Variants in ALMS1 observed in about 807,000 individuals in gnomAD.
ALMS1 encodes centrosome-associated protein ALMS1.
ALMS1 carries 271 observed loss-of-function variants against 352.2 expected under a neutral mutation model. That is an observed-to-expected ratio of 0.77 (90% CI 0.70 to 0.85). ALMS1 has a LOEUF of 0.85. ALMS1 is among the 40% of genes least tolerant of loss of function. The pLI is 0.00. For missense variants in ALMS1, 5,445 were observed against 4,870.7 expected (o/e 1.12, Z -3.51); for synonymous variants, 1,865 against 1,761.2 (o/e 1.06, Z -1.48).
intron 6 of ALMS1, among the ~76,000 whole-genome samples, chr2:73,429,414 T>C (rs1671457735): frequency 6.6e-6 from 1 of 151,794 alleles, no homozygotes; most frequent in South Asian, 2.1e-4. Flanking sequence ...CCCAAGTAGC[T>C]GGGATTACAG....
In ALMS1 at chr2:73,500,223, C is replaced by T. The variant is rs113940779; in HGVS notation, c.9539+8725C>T. Among the ~76,000 whole-genome samples the T allele has an allele frequency of 8.2e-3, 1,246 of 152,222 alleles. 14 individuals carry two copies. The highest frequency in any genetic ancestry group is 0.029 in the African/African-American group (1,193 of 41,522). ...ATGTTTTTGTTTTAGCAGACAATGA[C>T]CCAACTAGTTTCAGGTTAAAAATTC... is the stretch of plus-strand genomic sequence containing the variant. On this transcript the variant is annotated intron_variant, in intron 10 of 22. Transcript: ENST00000613296.
At chr2:73,491,763 CTT>C (rs1004862089) in intron 10 of ALMS1, among the ~76,000 whole-genome samples, 1 of 152,164 alleles carries the variant, frequency 6.6e-6, no homozygotes, top group African/African-American at 2.4e-5. Context: ...TGAAAAGAAT[CTT>C]TGATCATCCA....
chr2:73,475,460 T>G (rs1458571160), intron 9 of ALMS1, among the ~76,000 whole-genome samples: 2 of 152,140 alleles, frequency 1.3e-5, no homozygotes, highest in African/African-American at 4.8e-5. Context: ...TTTTTACCTA[T>G]TTCTAACAAC....
chr2:73,561,108 C>G (rs1015886111), intron 15 of ALMS1, among the ~76,000 whole-genome samples: 4 of 152,246 alleles, frequency 2.6e-5, no homozygotes, highest in Non-Finnish European at 4.4e-5. Context: ...TTGCACATAA[C>G]CGTTGCTATG....
chr2:73,557,481 C>G (rs552109194), intron 14 of ALMS1, 127 bp downstream of exon 14: 2 of 1,223,252 alleles, frequency 1.6e-6, no homozygotes, highest in East Asian at 5.1e-5. Flanking sequence ...TCTTCTATCT[C>G]ATGTATATAT....
intron 21 of ALMS1, among the ~76,000 whole-genome samples, chr2:73,607,810 A>ATTTTTTTTTTTTT (rs537392249): frequency 1.1e-4 from 15 of 131,482 alleles, no homozygotes; most frequent in African/African-American, 4.2e-4. Context: ...TGCCCACCTA[A>ATTTTTTTTTTTTT]TTTTTTTTTT....
At chr2:73,526,197 G>C (rs1228635840) in intron 11 of ALMS1, among the ~76,000 whole-genome samples, 1 of 152,104 alleles carries the variant, frequency 6.6e-6, no homozygotes, top group African/African-American at 2.4e-5. Context: ...AGTATAATTT[G>C]AAGTTAGGTA....
In ALMS1 at chr2:73,455,077, A is replaced by G. The variant is rs538286352; in HGVS notation, c.7541-85A>G. 10 of 1,450,706 alleles carry G rather than the reference A, an allele frequency of 6.9e-6. No homozygotes were observed. In the South Asian group the frequency reaches 8.1e-5, roughly 12 times the overall value. 89.9% of individuals were successfully genotyped at this position (1,450,706 alleles called of 1,614,324 possible). Reference sequence around the variant, plus strand: ...AGCATTGCAGTGGGTATTAAATTGCATATATTGATGATCTTCTGTGTTGCA... The same window carrying G: ...AGCATTGCAGTGGGTATTAAATTGCGTATATTGATGATCTTCTGTGTTGCA... On this transcript the variant is annotated intron_variant, in intron 8 of 22. Coordinates refer to ENST00000613296, the MANE Select transcript of ALMS1 (RefSeq NM_001378454.1).
intron 16 of ALMS1, among the ~76,000 whole-genome samples, chr2:73,590,677 C>CTTTTTT (rs35264211): frequency 2.8e-5 from 3 of 108,436 alleles, no homozygotes; most frequent in Non-Finnish European, 3.8e-5. Context: ...TGTTTTATTA[C>CTTTTTT]TTTTTTTTTT....
intron 7 of ALMS1, among the ~76,000 whole-genome samples, chr2:73,445,911 A>G (rs1157022601): frequency 6.6e-6 from 1 of 152,168 alleles, no homozygotes; most frequent in East Asian, 1.9e-4. Flanking sequence ...CACTTAGTGT[A>G]TTCTTCTTTC....
At chr2:73,508,532 A>C (rs1673384587) in intron 10 of ALMS1, among the ~76,000 whole-genome samples, 1 of 151,844 alleles carries the variant, frequency 6.6e-6, no homozygotes, top group Non-Finnish European at 1.5e-5. Context: ...CTGAGTTCTA[A>C]TTTGATTGCA....
At chr2:73,521,389 T>C (rs1168542481) in intron 11 of ALMS1, among the ~76,000 whole-genome samples, 1 of 151,972 alleles carries the variant, frequency 6.6e-6, no homozygotes, top group Non-Finnish European at 1.5e-5. Context: ...AATGGGTCAA[T>C]AGCTATCCTA....
At chr2:73,506,265 A>C (rs1444800938) in intron 10 of ALMS1, among the ~76,000 whole-genome samples, 1 of 152,190 alleles carries the variant, frequency 6.6e-6, no homozygotes, top group East Asian at 1.9e-4. Context: ...TGTTGTGGCT[A>C]TACGGGCTCT....
chr2:73,543,726 C>T (rs1374695640), intron 12 of ALMS1, among the ~76,000 whole-genome samples: 1 of 152,142 alleles, frequency 6.6e-6, no homozygotes, highest in Non-Finnish European at 1.5e-5. Flanking sequence ...AGACACTTCT[C>T]AAAAGAAGAC....
At chr2:73,542,551 T>C (rs1265817882) in intron 12 of ALMS1, among the ~76,000 whole-genome samples, 2 of 152,096 alleles carry the variant, frequency 1.3e-5, no homozygotes, top group Non-Finnish European at 2.9e-5. Context: ...GGGTATTCAA[T>C]TAGGAAAAGA....
At chr2:73,569,478 C>G (rs964427595) in intron 15 of ALMS1, among the ~76,000 whole-genome samples, 1 of 152,040 alleles carries the variant, frequency 6.6e-6, no homozygotes, top group African/African-American at 2.4e-5. Context: ...TCTAGATAGG[C>G]CTTCAAATTT....
At chr2:73,484,867 C>G (rs895874610) in intron 9 of ALMS1, among the ~76,000 whole-genome samples, 3 of 152,314 alleles carry the variant, frequency 2.0e-5, no homozygotes, top group South Asian at 2.1e-4. Flanking sequence ...TTGATGGCAT[C>G]GGCTCTTGAG....
At chr2:73,555,721 A>C (rs546995740) in intron 13 of ALMS1, among the ~76,000 whole-genome samples, 2 of 152,348 alleles carry the variant, frequency 1.3e-5, no homozygotes, top group Admixed American at 6.5e-5. Flanking sequence ...ATTTCACAGG[A>C]ATGTTCATTG....
At chr2:73,582,363 T>C (rs2104134731) in intron 16 of ALMS1, among the ~76,000 whole-genome samples, 1 of 152,322 alleles carries the variant, frequency 6.6e-6, no homozygotes, top group Middle Eastern at 3.4e-3. Flanking sequence ...GAGGGGTGAA[T>C]TTCTTGTGCG....
Sources: gnomAD v4.1 joint callset for allele counts (sites outside exome capture counted in the v4.1 genomes callset) on GRCh38, gnomAD v4.1.1 for gene constraint, MANE v1.5 for transcripts, NCBI Gene and HGNC (gene_info 2026-07-23, HGNC 2026-07-21) for gene names.